KAZN: variants seen among roughly 807,000 people sequenced by gnomAD.
The protein encoded by KAZN is kazrin, periplakin interacting protein, also known as kazrin.
A neutral mutation model predicts 87.4 loss-of-function variants in KAZN; 40 were observed. The ratio of observed to expected loss-of-function variants is 0.46; its 90% CI spans 0.36 to 0.60. KAZN has a LOEUF of 0.60. KAZN is among the 20% of genes least tolerant of loss of function. The probability of loss-of-function intolerance (pLI) is 0.00; values close to 1 mark genes in which losing one functional copy is unlikely to be tolerated. For missense variants in KAZN, 898 were observed against 1,073.9 expected (o/e 0.84, Z 2.29); for synonymous variants, 466 against 458.3 (o/e 1.02, Z -0.22).
intron 2 of KAZN, among the ~76,000 whole-genome samples, chr1:14,491,155 T>C (rs1669627184): frequency 6.6e-6 from 1 of 152,240 alleles, no homozygotes; most frequent in Non-Finnish European, 1.5e-5. Context: ...GGGTTTGCTA[T>C]TGCAATTAAG....
chr1:14,557,558 C>T (rs1673962308), intron 2 of KAZN, among the ~76,000 whole-genome samples: 3 of 151,216 alleles, frequency 2.0e-5, no homozygotes, highest in African/African-American at 7.3e-5. Flanking sequence ...AAAAGTTAGT[C>T]GTCAGCTTCC....
intron 2 of KAZN, among the ~76,000 whole-genome samples, chr1:15,002,524 ACT>A (rs1445354966): frequency 6.6e-6 from 1 of 152,032 alleles, no homozygotes; most frequent in Non-Finnish European, 1.5e-5. Flanking sequence ...TTGGCCAGTG[ACT>A]CTCTGAATGA....
chr1:14,806,194 A>G (rs538925857), intron 1 of KAZN, among the ~76,000 whole-genome samples: 23 of 152,236 alleles, frequency 1.5e-4, no homozygotes, highest in African/African-American at 5.3e-4. Context: ...GGTGTGGCCA[A>G]TCTCCCCCAG....
At chr1:14,027,912 T>A (rs1009609709) in intron 1 of KAZN, among the ~76,000 whole-genome samples, 8 of 152,088 alleles carry the variant, frequency 5.3e-5, no homozygotes, top group Admixed American at 2.6e-4. Context: ...TAGAGAAGAG[T>A]CATTGGGCAT....
At chr1:14,040,079 ACGTGTGTGTGT>A (rs1327708608) in intron 1 of KAZN, among the ~76,000 whole-genome samples, 336 of 127,700 alleles carry the variant, frequency 2.6e-3, no homozygotes, top group South Asian at 6.6e-3. Flanking sequence ...GTGTGTGTGC[ACGTGTGTGTGT>A]GAGAGAGAGA....
At chr1:14,608,344 C>CA (rs2148615419) in intron 1 of KAZN, among the ~76,000 whole-genome samples, 1 of 152,280 alleles carries the variant, frequency 6.6e-6, no homozygotes, top group South Asian at 2.1e-4. Context: ...CTCACAGCCT[C>CA]ATAGGTATAA....
rs757876451 is a variant in KAZN, at chr1:15,060,218, C to T, written c.963C>T (p.Ser321=). The change falls in exon 6 of 15, where the codon TCC becomes TCT. Residue 321 remains serine, a synonymous_variant. Coordinates refer to ENST00000376030, the MANE Select transcript of KAZN (RefSeq NM_201628.3). ...ACTCCCGGCAGCCCTCTGTCATCTC[C>T]GACGCATCTGCCGCCGAAGGCGACC... ...PCHSRQPSVI[S]DASAAEGDRS... 50 of 1,614,136 alleles carry T rather than the reference C, an allele frequency of 3.1e-5. No individual in the cohort carries two copies. Among genetic ancestry groups the T allele is most frequent in the African/African-American group, 6.7e-5 (5 of 74,952 alleles).
At chr1:13,910,087 C>T (rs560898685) in intron 1 of KAZN, among the ~76,000 whole-genome samples, 4 of 152,238 alleles carry the variant, frequency 2.6e-5, no homozygotes, top group South Asian at 4.1e-4. Context: ...AATGGTAACC[C>T]GCAATGTTGG....
intron 1 of KAZN, among the ~76,000 whole-genome samples, chr1:14,947,414 G>A (rs1324296507): frequency 6.6e-6 from 1 of 152,202 alleles, no homozygotes; most frequent in Non-Finnish European, 1.5e-5. Context: ...CTTGGGGAGG[G>A]GAGGAGATTG....
chr1:13,999,164 A>G (rs1276139844), intron 1 of KAZN, among the ~76,000 whole-genome samples: 2 of 152,154 alleles, frequency 1.3e-5, no homozygotes, highest in Non-Finnish European at 2.9e-5. Flanking sequence ...CCTGGCCAAC[A>G]TAGTGAAACT....
intron 1 of KAZN, among the ~76,000 whole-genome samples, chr1:14,848,791 G>A (rs879307125): frequency 1.1e-4 from 17 of 152,336 alleles, no homozygotes; most frequent in South Asian, 1.0e-3. Context: ...GCCATGAAGC[G>A]GGGACATTTG....
intron 2 of KAZN, among the ~76,000 whole-genome samples, chr1:14,239,275 CTGT>C (rs1648707205): frequency 1.3e-5 from 2 of 152,146 alleles, no homozygotes; most frequent in African/African-American, 2.4e-5. Context: ...TCTTGTTTTT[CTGT>C]TATCACCCCA....
chr1:14,373,448 C>T (rs186751324), intron 2 of KAZN, among the ~76,000 whole-genome samples: 117 of 152,258 alleles, frequency 7.7e-4, no homozygotes, highest in African/African-American at 2.7e-3. Context: ...AGAATTCAAC[C>T]TTCTTCTGCC....
At chr1:14,151,935 T>C (rs866075880) in intron 1 of KAZN, among the ~76,000 whole-genome samples, 1 of 152,218 alleles carries the variant, frequency 6.6e-6, no homozygotes, top group African/African-American at 2.4e-5. Context: ...GATGATAAAA[T>C]AACAAGAAAA....
chr1:14,184,854 C>T lies in KAZN; in HGVS notation c.249+4262C>T, dbSNP rs517269. Among the ~76,000 whole-genome samples the T allele has an allele frequency of 0.51, 78,133 of 151,986 alleles. 20,521 individuals carry two copies. The highest frequency in any genetic ancestry group is 0.6 in the African/African-American group (25,001 of 41,424). ...GCATTGGGAAGGATGCCTTGGGAACCGAGCAGTTCACACCTATTATAGAAG... is the reference window on the plus strand; with the variant it reads ...GCATTGGGAAGGATGCCTTGGGAACTGAGCAGTTCACACCTATTATAGAAG... On this transcript the variant is annotated intron_variant, in intron 2 of 16. Coordinates refer to the KAZN transcript ENST00000636203. The surrounding 1 kb of genome is among the most constrained non-coding windows in gnomAD (Gnocchi z 4.2).
At chr1:14,620,884 A>G (rs1249836036) in intron 1 of KAZN, among the ~76,000 whole-genome samples, 1 of 152,166 alleles carries the variant, frequency 6.6e-6, no homozygotes, top group Non-Finnish European at 1.5e-5. Context: ...AGCCTCTTGT[A>G]CAACCTAATT....
chr1:15,043,933 G>T (rs1673188603), intron 3 of KAZN, 56 bp from the exon 4 acceptor site: 2 of 1,525,736 alleles, frequency 1.3e-6, no homozygotes, highest in South Asian at 1.3e-5. Flanking sequence ...GCATCCCTGG[G>T]CCAGGAGGAG....
intron 2 of KAZN, among the ~76,000 whole-genome samples, chr1:14,381,657 G>A (rs1047490748): frequency 4.6e-5 from 7 of 151,996 alleles, no homozygotes; most frequent in African/African-American, 1.7e-4. Context: ...AAAAAACTAG[G>A]TATAGAAGGA....
chr1:14,157,346 C>T (rs1220474683), intron 1 of KAZN, among the ~76,000 whole-genome samples: 1 of 152,122 alleles, frequency 6.6e-6, no homozygotes, highest in Non-Finnish European at 1.5e-5. Context: ...GAGCTTTGGA[C>T]CTTAAGATGA....
Sources: allele counts gnomAD v4.1 joint callset (sites outside exome capture counted in the v4.1 genomes callset), GRCh38; gene constraint gnomAD v4.1.1; non-coding constraint Gnocchi (gnomAD v3.1); transcripts MANE v1.5; gene names NCBI Gene and HGNC (gene_info 2026-07-23, HGNC 2026-07-21).